Variants in KCNH5 observed in about 807,000 individuals in gnomAD.
The protein encoded by KCNH5 is potassium voltage-gated channel subfamily H member 5.
KCNH5 carries 46 observed loss-of-function variants against 96.1 expected under a neutral mutation model. That is an observed-to-expected ratio of 0.48 (90% CI 0.38 to 0.61). KCNH5 has a LOEUF of 0.61. Ranked by LOEUF, KCNH5 falls within the 20% of genes least tolerant of loss-of-function variation. The pLI is 0.00. For missense variants in KCNH5, 907 were observed against 1,225.8 expected, an observed-to-expected ratio of 0.74 and a Z score of 3.88; for synonymous variants, 439 against 449.8, an observed-to-expected ratio of 0.98 and a Z score of 0.30.
intron 2 of KCNH5, among the ~76,000 whole-genome samples, chr14:63,016,096 A>T (rs537599849): frequency 2.0e-5 from 3 of 151,922 alleles, no homozygotes; most frequent in Non-Finnish European, 4.4e-5. Flanking sequence ...TAGTTCTAAA[A>T]TAACTTGGTT....
intron 8 of KCNH5, among the ~76,000 whole-genome samples, chr14:62,806,138 T>A (rs555358690): frequency 2.8e-4 from 42 of 152,210 alleles, no homozygotes; most frequent in Admixed American, 4.6e-4. Context: ...GCCATGACAG[T>A]TTACGAATGT....
intron 7 of KCNH5, among the ~76,000 whole-genome samples, chr14:62,858,154 T>C (rs1431097222): frequency 1.3e-5 from 2 of 152,216 alleles, no homozygotes; most frequent in East Asian, 3.8e-4. Flanking sequence ...GAAATACTGA[T>C]GACAATTACA....
rs780638409 is a variant in KCNH5, at chr14:62,700,853, T to C, written c.*6655A>G. 6.6e-6 allele frequency: 1 copy of C among 152,160 alleles called. No individual in the cohort carries two copies. The highest frequency in any genetic ancestry group is 1.5e-5 in the Non-Finnish European group (1 of 68,014). The allele number at this position is 152,160 out of a possible 1,614,324, so 9.4% of individuals were successfully genotyped here. A position where few individuals can be genotyped will look rare whatever the true frequency, so the allele number is the denominator to read the frequency against. The stretch of plus-strand genomic sequence containing the variant: ...TGGTTCTAGGAACAACAATAATCTT[T>C]ATGTTGCTTTTTGCCAAAGTCCAAT... On this transcript the variant is annotated 3_prime_UTR_variant, in exon 11 of 11. Transcript: ENST00000322893.
intron 10 of KCNH5, among the ~76,000 whole-genome samples, chr14:62,746,880 T>C (rs1291144665): frequency 6.6e-6 from 1 of 152,246 alleles, no homozygotes; most frequent in Non-Finnish European, 1.5e-5. Context: ...CTCTTTATTA[T>C]GTTCTTTCAC....
At position 62,704,746 on chromosome 14, in the gene KCNH5, A is replaced by G. The variant is rs1173920822; in HGVS notation, c.*2762T>C. The G allele has an allele frequency of 6.6e-6, 1 of 151,972 alleles. No homozygotes were observed. Among genetic ancestry groups the G allele is most frequent in the African/African-American group, 2.4e-5 (1 of 41,450 alleles). The allele number at this position is 151,972 out of a possible 1,614,324, so 9.4% of individuals were successfully genotyped here. ...TGCACCAAGAGCATCTATACAGTGT[A>G]GGAATAAAACATGCAGTTATCTGGT... On this transcript the variant is annotated 3_prime_UTR_variant, in exon 11 of 11. Transcript: ENST00000322893.
intron 7 of KCNH5, among the ~76,000 whole-genome samples, chr14:62,937,235 C>T (rs1049198153): frequency 1.3e-5 from 2 of 152,224 alleles, no homozygotes; most frequent in Admixed American, 6.5e-5. Context: ...TTTTGCTGGT[C>T]TTACCGTATG....
chr14:62,998,209 T>C (rs1408439302), intron 4 of KCNH5, among the ~76,000 whole-genome samples: 1 of 152,180 alleles, frequency 6.6e-6, no homozygotes, highest in Non-Finnish European at 1.5e-5. Flanking sequence ...GTTTTGGTAG[T>C]TTGTGTGTTT....
intron 8 of KCNH5, among the ~76,000 whole-genome samples, chr14:62,830,641 TCCAG>T (rs1263113482): frequency 2.5e-5 from 3 of 121,410 alleles, no homozygotes; most frequent in Admixed American, 9.6e-5. Flanking sequence ...CACCCCCCGA[TCCAG>T]GATCCAGTCA....
chr14:62,707,466 ATAT>A lies in KCNH5; in HGVS notation c.*39_*41del. On this transcript the variant is annotated 3_prime_UTR_variant, in exon 11 of 11. Transcript: ENST00000322893. Reference sequence around the variant, plus strand: ...ATATACTGTATATACACACATATGTATATACTGTTTTAATATATTAACAAATAT... The same window carrying A: ...ATATACTGTATATACACACATATGTAACTGTTTTAATATATTAACAAATAT... The A allele has an allele frequency of 9.8e-7, 1 of 1,018,754 alleles. No homozygotes were observed. The highest frequency in any genetic ancestry group is 1.3e-6 in the Non-Finnish European group (1 of 759,386). The allele number at this position is 1,018,754 out of a possible 1,614,324, so 63.1% of individuals were successfully genotyped here.
intron 10 of KCNH5, among the ~76,000 whole-genome samples, chr14:62,732,765 G>T (rs557979537): frequency 1.8e-4 from 27 of 152,158 alleles, no homozygotes; most frequent in Admixed American, 1.5e-3. Flanking sequence ...TGAAGACCAG[G>T]GTCTTTATTA....
chr14:62,844,306 A>C (rs535222573), intron 8 of KCNH5, among the ~76,000 whole-genome samples: 1 of 152,344 alleles, frequency 6.6e-6, no homozygotes, highest in Non-Finnish European at 1.5e-5. Flanking sequence ...AACAAGCTGA[A>C]AAAAATCCAG....
At chr14:62,995,449 A>G (rs1376104732) in intron 4 of KCNH5, among the ~76,000 whole-genome samples, 1 of 152,142 alleles carries the variant, frequency 6.6e-6, no homozygotes, top group Admixed American at 6.6e-5. Flanking sequence ...AGATCTTTGA[A>G]GTCCCTGAGT....
At chr14:62,945,779 A>G (rs73276486) in intron 7 of KCNH5, among the ~76,000 whole-genome samples, 17,973 of 152,022 alleles carry the variant, frequency 0.12, 2,637 homozygotes, top group African/African-American at 0.35. Flanking sequence ...GTTATAAGCA[A>G]TGGGAAAGCA....
chr14:62,912,037 C>CAAAA (rs1163755853), intron 7 of KCNH5, among the ~76,000 whole-genome samples: 279 of 79,514 alleles, frequency 3.5e-3, no homozygotes, highest in Non-Finnish European at 4.7e-3. Context: ...GACTCCTAAT[C>CAAAA]AAAAAAAAAA....
chr14:63,001,588 T>A, intron 3 of KCNH5, 129 bp from the exon 4 acceptor site: 1 of 722,168 alleles, frequency 1.4e-6, no homozygotes, highest in Non-Finnish European at 2.2e-6. Context: ...AAAACAACAG[T>A]ATATTAATTA....
intron 7 of KCNH5, among the ~76,000 whole-genome samples, chr14:62,854,827 G>A (rs1290681232): frequency 6.7e-6 from 1 of 150,318 alleles, no homozygotes; most frequent in African/African-American, 2.4e-5. Flanking sequence ...CACCACAAAA[G>A]GATTATTTTG....
intron 6 of KCNH5, among the ~76,000 whole-genome samples, chr14:62,977,566 C>T (rs1209799130): frequency 6.6e-6 from 1 of 151,992 alleles, no homozygotes; most frequent in African/African-American, 2.4e-5. Flanking sequence ...GATATGTAAT[C>T]GTGTTGTTTG....
In KCNH5 at chr14:63,018,305, T is replaced by C. The variant is rs1891363782; in HGVS notation, c.74-1351A>G. ...GTCTAAGGAGTCAAAGGTCACAATTTGGGGGTGGCAGAGCAACTTGGAGTT... is the reference window on the plus strand; with the variant it reads ...GTCTAAGGAGTCAAAGGTCACAATTCGGGGGTGGCAGAGCAACTTGGAGTT... On this transcript the variant is annotated intron_variant, in intron 1 of 10. Coordinates refer to ENST00000322893, the MANE Select transcript of KCNH5 (RefSeq NM_139318.5). Among the ~76,000 whole-genome samples, 3 of 151,840 alleles carry C rather than the reference T, an allele frequency of 2.0e-5. No homozygotes were observed. In the South Asian group the frequency reaches 6.2e-4, roughly 32 times the overall value.
chr14:63,034,212 C>G (rs552275957), intron 1 of KCNH5, among the ~76,000 whole-genome samples: 2 of 152,202 alleles, frequency 1.3e-5, no homozygotes, highest in African/African-American at 4.8e-5. Context: ...GCCACGGCAC[C>G]CAGCCTGTAT....
Sources: allele counts gnomAD v4.1 joint callset (sites outside exome capture counted in the v4.1 genomes callset), GRCh38; gene constraint gnomAD v4.1.1; transcripts MANE v1.5; gene names NCBI Gene and HGNC (gene_info 2026-07-23, HGNC 2026-07-21).